FARS2: variants seen among roughly 807,000 people sequenced by gnomAD.
FARS2 encodes phenylalanyl-tRNA synthetase 2, mitochondrial.
In FARS2, 40 loss-of-function variants were observed where a neutral mutation model predicts 46.4. The ratio of observed to expected loss-of-function variants is 0.86; its 90% CI spans 0.67 to 1.12. The LOEUF (loss-of-function observed/expected upper bound fraction) is 1.12, where lower values mean the gene tolerates loss of function less well. FARS2 is among the 50% of genes most tolerant of loss of function. The pLI, the probability that FARS2 is intolerant of heterozygous loss-of-function variation, is 0.00. For synonymous variants in FARS2, 234 were observed against 214.9 expected, an observed-to-expected ratio of 1.09 and a Z score of -0.78; for missense variants, 513 against 567.9, an observed-to-expected ratio of 0.90 and a Z score of 0.98.
At chr6:5,731,298 G>T (rs556793520) in intron 6 of FARS2, among the ~76,000 whole-genome samples, 145 of 152,090 alleles carry the variant, frequency 9.5e-4, no homozygotes, top group South Asian at 1.7e-3. Flanking sequence ...TCTTCCATGT[G>T]CCTTCTTCTT....
At chr6:5,472,180 G>C (rs543452591) in intron 4 of FARS2, among the ~76,000 whole-genome samples, 1 of 152,200 alleles carries the variant, frequency 6.6e-6, no homozygotes, top group South Asian at 2.1e-4. Context: ...CTGGGGGCTG[G>C]TGTAGTGGTG....
chr6:5,433,014 G>A (rs1763318234), intron 4 of FARS2, among the ~76,000 whole-genome samples: 2 of 152,152 alleles, frequency 1.3e-5, no homozygotes, highest in African/African-American at 4.8e-5. Context: ...TCAGGAGAAA[G>A]CCCAGCACAG....
At chr6:5,400,186 G>A (rs1002738744) in intron 2 of FARS2, among the ~76,000 whole-genome samples, 6 of 152,146 alleles carry the variant, frequency 3.9e-5, no homozygotes, top group African/African-American at 1.4e-4. Context: ...TTATGTCAGT[G>A]TTATTTTAAT....
At chr6:5,574,154 CAG>C (rs1180753899) in intron 5 of FARS2, among the ~76,000 whole-genome samples, 6 of 152,068 alleles carry the variant, frequency 3.9e-5, no homozygotes, top group African/African-American at 1.5e-4. Context: ...TGTTTTGAGA[CAG>C]AGTCTCACTC....
At chr6:5,260,611 G>GGCCCCCCC, upstream of FARS2, 2 of 1,377,684 alleles carry the variant, frequency 1.5e-6, no homozygotes, top group Non-Finnish European at 2.0e-6. Context: ...CCGGCCCCTG[G>GGCCCCCCC]CCCCCCGCCC....
chr6:5,604,112 G>A (rs1774691815), intron 5 of FARS2, among the ~76,000 whole-genome samples: 1 of 152,208 alleles, frequency 6.6e-6, no homozygotes, highest in South Asian at 2.1e-4. Context: ...GAACACCAGA[G>A]GATCACAAGA....
chr6:5,346,941 C>A (rs1284877681), intron 1 of FARS2, among the ~76,000 whole-genome samples: 1 of 149,968 alleles, frequency 6.7e-6, no homozygotes, highest in East Asian at 2.0e-4. Context: ...TGAGATGGAG[C>A]CTCGTTCTGT....
At chr6:5,444,594 T>C (rs1764069788) in intron 4 of FARS2, among the ~76,000 whole-genome samples, 1 of 151,698 alleles carries the variant, frequency 6.6e-6, no homozygotes, top group South Asian at 2.1e-4. Flanking sequence ...GTAAGCTTCA[T>C]TAGGGCAGGG....
intron 2 of FARS2, among the ~76,000 whole-genome samples, chr6:5,379,207 A>G (rs1193283824): frequency 1.3e-5 from 2 of 152,158 alleles, no homozygotes; most frequent in African/African-American, 4.8e-5. Context: ...TCTGCACAGA[A>G]CAGCAATGTC....
At chr6:5,274,640 G>A (rs115658126) in intron 1 of FARS2, among the ~76,000 whole-genome samples, 3,054 of 152,174 alleles carry the variant, frequency 0.02, 88 homozygotes, top group African/African-American at 0.07. Flanking sequence ...TCTAGACTTC[G>A]TGTTTTGTTA....
intron 6 of FARS2, among the ~76,000 whole-genome samples, chr6:5,635,804 A>G (rs1217681221): frequency 1.3e-5 from 2 of 152,192 alleles, no homozygotes; most frequent in Non-Finnish European, 1.5e-5. Context: ...TGCAGAAGGC[A>G]TGTGACATTT....
intron 1 of FARS2, among the ~76,000 whole-genome samples, chr6:5,299,745 T>G (rs1768158854): frequency 7.0e-6 from 1 of 143,782 alleles, no homozygotes; most frequent in Admixed American, 6.9e-5. Flanking sequence ...CCAAGTGATC[T>G]CATTGTTCAT....
chr6:5,405,480 CTTTTTTTTTTT>C lies in FARS2; in HGVS notation c.772+794_772+804del, dbSNP rs398000284. Among the ~76,000 whole-genome samples the C allele has an allele frequency of 2.9e-4, 17 of 58,956 alleles. 1 individual carries two copies. The highest frequency in any genetic ancestry group is 2.0e-3 in the Admixed American group (8 of 3,950). 38.7% of individuals were successfully genotyped at this position (58,956 alleles called of 152,430 possible). On this transcript the variant is annotated intron_variant, in intron 3 of 6. Transcript: ENST00000274680. ...AGGACGTGATCAGTGGAGCAAGGTT[CTTTTTTTTTTT>C]TTTTTTTTTTTTTTGAGACGGAGTC...
chr6:5,320,859 T>C (rs1769918751), intron 1 of FARS2, among the ~76,000 whole-genome samples: 1 of 152,180 alleles, frequency 6.6e-6, no homozygotes, highest in African/African-American at 2.4e-5. Context: ...TCATTTCTCA[T>C]AGATGGCACT....
In FARS2 at chr6:5,265,883, C is replaced by T. The variant is rs1001560975; in HGVS notation, c.-22+4223C>T. ...CATCCCTGATGCTTGGGCCACACCT[C>T]AGACCAACAGCAGTGCTAAGGCCCA... On this transcript the variant is annotated intron_variant, in intron 1 of 6. Transcript: ENST00000274680. Among the ~76,000 whole-genome samples, 3 of 152,254 alleles carry T rather than the reference C, an allele frequency of 2.0e-5. No individual in the cohort carries two copies. In the East Asian group the frequency reaches 5.8e-4, roughly 29 times the overall value.
intron 6 of FARS2, among the ~76,000 whole-genome samples, chr6:5,762,786 C>G (rs910946884): frequency 6.6e-6 from 1 of 152,138 alleles, no homozygotes; most frequent in African/African-American, 2.4e-5. Flanking sequence ...ACCATCTGGA[C>G]TGGTTTCTTG....
intron 4 of FARS2, among the ~76,000 whole-genome samples, chr6:5,484,359 T>C (rs994088539): frequency 6.6e-5 from 10 of 152,166 alleles, no homozygotes; most frequent in Non-Finnish European, 1.5e-4. Context: ...ATCAGAATCG[T>C]GTGAATATTA....
At chr6:5,679,719 T>C (rs1423594716) in intron 6 of FARS2, among the ~76,000 whole-genome samples, 1 of 152,214 alleles carries the variant, frequency 6.6e-6, no homozygotes, top group Non-Finnish European at 1.5e-5. Context: ...GCCCTGTGAA[T>C]AGATTCATAC....
At chr6:5,510,943 G>A (rs990466367) in intron 4 of FARS2, among the ~76,000 whole-genome samples, 3 of 152,184 alleles carry the variant, frequency 2.0e-5, no homozygotes, top group African/African-American at 7.2e-5. Flanking sequence ...GGCTTGATGT[G>A]AGATCTCCTC....
Sources: gnomAD v4.1 joint callset for allele counts (sites outside exome capture counted in the v4.1 genomes callset) on GRCh38, gnomAD v4.1.1 for gene constraint, MANE v1.5 for transcripts, NCBI Gene and HGNC (gene_info 2026-07-23, HGNC 2026-07-21) for gene names.